Variants in INPP4B observed in about 807,000 individuals in gnomAD.
The protein encoded by INPP4B is inositol polyphosphate-4-phosphatase type II B, also known as inositol polyphosphate 4-phosphatase type II.
In INPP4B, 55 loss-of-function variants were observed where a neutral mutation model predicts 122.5. The observed-to-expected ratio is 0.45, with a 90% CI of 0.36 to 0.56. INPP4B has a LOEUF of 0.56. Ranked by LOEUF, INPP4B falls within the 20% of genes least tolerant of loss-of-function variation. The probability of loss-of-function intolerance (pLI) is 0.00; values close to 1 mark genes in which losing one functional copy is unlikely to be tolerated. For missense variants in INPP4B, 1,000 were observed against 1,097.7 expected, an observed-to-expected ratio of 0.91 and a Z score of 1.26; for synonymous variants, 403 against 388.7, an observed-to-expected ratio of 1.04 and a Z score of -0.43.
chr4:142,130,515 C>A (rs979073217), intron 18 of INPP4B, among the ~76,000 whole-genome samples: 3 of 152,028 alleles, frequency 2.0e-5, no homozygotes, highest in Non-Finnish European at 2.9e-5. Context: ...GTGAACAGGG[C>A]AAGAGCTAAG....
intron 5 of INPP4B, among the ~76,000 whole-genome samples, chr4:142,411,720 C>T (rs1804633471): frequency 6.6e-6 from 1 of 152,068 alleles, no homozygotes; most frequent in Admixed American, 6.5e-5. Context: ...CGCACAACTC[C>T]ATCTCTACAA....
At chr4:142,466,649 T>G (rs1360685757) in intron 2 of INPP4B, among the ~76,000 whole-genome samples, 1 of 152,130 alleles carries the variant, frequency 6.6e-6, no homozygotes, top group East Asian at 1.9e-4. Flanking sequence ...CTAGAGAGAT[T>G]GGCATGACTA....
At chr4:142,479,044 GA>G (rs1345320161) in intron 2 of INPP4B, among the ~76,000 whole-genome samples, 8 of 152,146 alleles carry the variant, frequency 5.3e-5, no homozygotes, top group South Asian at 2.1e-4. Context: ...TAAAGAAGGG[GA>G]AAAAATATTT....
chr4:142,312,024 A>C (rs6858270), intron 8 of INPP4B, among the ~76,000 whole-genome samples: 46,311 of 151,904 alleles, frequency 0.3, 8,282 homozygotes, highest in African/African-American at 0.5. Context: ...GTTTTAAGCC[A>C]GTTTGTCACG....
chr4:142,756,071 C>T (rs776824920), intron 1 of INPP4B, among the ~76,000 whole-genome samples: 1 of 151,978 alleles, frequency 6.6e-6, no homozygotes, highest in Non-Finnish European at 1.5e-5. Context: ...CTAGTGGTTG[C>T]TTTATTCTGG....
chr4:142,641,871 C>G (rs1464947737), intron 2 of INPP4B, among the ~76,000 whole-genome samples: 1 of 152,080 alleles, frequency 6.6e-6, no homozygotes, highest in Non-Finnish European at 1.5e-5. Flanking sequence ...TGAACTAGTT[C>G]ACAGTCCCAC....
chr4:142,516,169 C>T (rs1429499481), intron 2 of INPP4B, among the ~76,000 whole-genome samples: 1 of 151,966 alleles, frequency 6.6e-6, no homozygotes, highest in Non-Finnish European at 1.5e-5. Flanking sequence ...TCTTTTTTTG[C>T]TGAAAGTGAG....
chr4:142,663,115 A>C (rs1755482404), intron 2 of INPP4B, among the ~76,000 whole-genome samples: 1 of 152,222 alleles, frequency 6.6e-6, no homozygotes, highest in Non-Finnish European at 1.5e-5. Context: ...AAAAGCATAG[A>C]TGGAGGTGAA....
chr4:142,183,163 G>C (rs1270184255), intron 15 of INPP4B, among the ~76,000 whole-genome samples: 1 of 152,138 alleles, frequency 6.6e-6, no homozygotes, highest in African/African-American at 2.4e-5. Context: ...ATGTATGTGG[G>C]AGTCTTCCTT....
At chr4:142,255,458 C>G (rs1735308359) in intron 11 of INPP4B, among the ~76,000 whole-genome samples, 1 of 152,038 alleles carries the variant, frequency 6.6e-6, no homozygotes, top group Admixed American at 6.5e-5. Context: ...TTCAGGAAAC[C>G]CATCTCACAT....
At chr4:142,688,341 C>T (rs1031733970) in intron 2 of INPP4B, among the ~76,000 whole-genome samples, 2 of 152,048 alleles carry the variant, frequency 1.3e-5, no homozygotes, top group Non-Finnish European at 2.9e-5. Flanking sequence ...GTGTACCATT[C>T]CCCCAAATAC....
At chr4:142,277,801 CT>C (rs2150720003) in intron 9 of INPP4B, among the ~76,000 whole-genome samples, 1 of 151,844 alleles carries the variant, frequency 6.6e-6, no homozygotes, top group East Asian at 1.9e-4. Flanking sequence ...AGTGAAGTAA[CT>C]CAGGAATGGA....
intron 1 of INPP4B, among the ~76,000 whole-genome samples, chr4:142,833,431 G>T (rs575091679): frequency 9.2e-5 from 14 of 152,114 alleles, no homozygotes; most frequent in African/African-American, 3.4e-4. Context: ...AGGTAAAGCT[G>T]TAATTGCATC....
At chr4:142,579,467 T>C (rs1055629037) in intron 2 of INPP4B, among the ~76,000 whole-genome samples, 1 of 152,054 alleles carries the variant, frequency 6.6e-6, no homozygotes, top group African/African-American at 2.4e-5. Context: ...TTAAATATTA[T>C]TCTGGGTGTT....
chr4:142,506,059 T>C (rs1471649039), intron 2 of INPP4B, among the ~76,000 whole-genome samples: 1 of 152,214 alleles, frequency 6.6e-6, no homozygotes, highest in Non-Finnish European at 1.5e-5. Context: ...TATCATAGTT[T>C]AATGAGTGTC....
chr4:142,302,082 T>C (rs3775687), intron 9 of INPP4B, among the ~76,000 whole-genome samples: 32,638 of 152,060 alleles, frequency 0.21, 4,596 homozygotes, highest in African/African-American at 0.4. Flanking sequence ...TCAGGTGTTT[T>C]GGCAGCAAAC....
intron 2 of INPP4B, among the ~76,000 whole-genome samples, chr4:142,678,214 A>G (rs1224815797): frequency 6.6e-6 from 1 of 151,936 alleles, no homozygotes; most frequent in Non-Finnish European, 1.5e-5. Flanking sequence ...CATTAGAGAT[A>G]TAATAAAAAT....
chr4:142,438,975 T>A (rs1811128448), intron 3 of INPP4B, among the ~76,000 whole-genome samples: 1 of 152,194 alleles, frequency 6.6e-6, no homozygotes, highest in Non-Finnish European at 1.5e-5. Flanking sequence ...AATCTATAGA[T>A]GAGTTAAACC....
chr4:142,029,681 T>A lies in INPP4B; in HGVS notation c.2643-767A>T, dbSNP rs564361806. 1.3e-4 allele frequency: 133 copies of A among 985,674 alleles called. 1 individual carries two copies. In the African/African-American group the frequency reaches 1.9e-3, roughly 14 times the overall value. 61.1% of individuals were successfully genotyped at this position (985,674 alleles called of 1,614,324 possible). On this transcript the variant is annotated intron_variant, in intron 25 of 25. Coordinates refer to ENST00000262992, the MANE Select transcript of INPP4B (RefSeq NM_001101669.3). The stretch of plus-strand genomic sequence containing the variant: ...AAGAAGTAAAACAGGTTAAAAAAAA[T>A]TTCTATCAGCAGATGGCATCTATGA...
Sources: gnomAD v4.1 joint callset for allele counts (sites outside exome capture counted in the v4.1 genomes callset) on GRCh38, gnomAD v4.1.1 for gene constraint, MANE v1.5 for transcripts, NCBI Gene and HGNC (gene_info 2026-07-23, HGNC 2026-07-21) for gene names.